The following RNLS variants were observed in gnomAD, a reference collection of about 807,000 sequenced individuals.
The protein encoded by RNLS is renalase, FAD dependent amine oxidase.
RNLS carries 39 observed loss-of-function variants against 39.8 expected under a neutral mutation model. The observed-to-expected ratio is 0.98, with a 90% CI of 0.76 to 1.28. The LOEUF (loss-of-function observed/expected upper bound fraction) is 1.28. Among genes scored for constraint, RNLS ranks in the 50% most tolerant of loss-of-function variants. The pLI is 0.00. For synonymous variants in RNLS, 147 were observed against 150.7 expected (o/e 0.98, Z 0.18); for missense variants, 410 against 413.3 (o/e 0.99, Z 0.07).
intron 2 of RNLS, 29 bp downstream of exon 2, chr10:88,582,173 A>T (rs1008765312): frequency 2.6e-6 from 4 of 1,549,834 alleles, no homozygotes; most frequent in Non-Finnish European, 3.6e-6. Flanking sequence ...AACTGCTAAG[A>T]TTGATTCCAC....
At chr10:88,547,832 G>A (rs931410454) in intron 4 of RNLS, among the ~76,000 whole-genome samples, 2 of 151,988 alleles carry the variant, frequency 1.3e-5, no homozygotes, top group African/African-American at 4.8e-5. Context: ...TGATTGGCTT[G>A]AATGAATCTT....
chr10:88,498,323 C>T (rs1268582501), intron 4 of RNLS, among the ~76,000 whole-genome samples: 1 of 151,584 alleles, frequency 6.6e-6, no homozygotes, highest in East Asian at 1.9e-4. Flanking sequence ...CAGACAAACT[C>T]AAATGAAGGG....
chr10:88,194,857 A>G, the RNLS span, among the ~76,000 whole-genome samples: 3 of 152,236 alleles, frequency 2.0e-5, no homozygotes. Flanking sequence ...GCAGAATACT[A>G]AATAGTACAA....
At chr10:88,263,093 G>A in the RNLS span, among the ~76,000 whole-genome samples, 1 of 152,072 alleles carries the variant, frequency 6.6e-6, no homozygotes, top group Non-Finnish European at 1.5e-5. Context: ...ATGTGGTCTA[G>A]CACACATTGT....
the RNLS span, among the ~76,000 whole-genome samples, chr10:88,216,351 C>G: frequency 6.6e-6 from 1 of 152,156 alleles, no homozygotes; most frequent in Non-Finnish European, 1.5e-5. Context: ...ACAGCTGGAT[C>G]TAGGGGCTCA....
chr10:88,329,848 G>T (rs1171332960), intron 5 of RNLS, among the ~76,000 whole-genome samples: 1 of 151,066 alleles, frequency 6.6e-6, no homozygotes, highest in Non-Finnish European at 1.5e-5. Context: ...GTTCTATTTG[G>T]CTCTTTTTCA....
chr10:88,292,878 C>A (rs769707867), intron 6 of RNLS, among the ~76,000 whole-genome samples: 1 of 151,078 alleles, frequency 6.6e-6, no homozygotes, highest in Non-Finnish European at 1.5e-5. Context: ...CCTGTCTCTA[C>A]TTAGAAAAAA....
chr10:88,423,240 G>A (rs1197183746), intron 4 of RNLS, among the ~76,000 whole-genome samples: 1 of 152,130 alleles, frequency 6.6e-6, no homozygotes, highest in African/African-American at 2.4e-5. Flanking sequence ...TGTAAAGAAT[G>A]GCATGATTAG....
intron 4 of RNLS, among the ~76,000 whole-genome samples, chr10:88,473,591 A>C (rs1179027910): frequency 6.6e-6 from 1 of 152,236 alleles, no homozygotes; most frequent in Non-Finnish European, 1.5e-5. Flanking sequence ...GTCTTTGCCT[A>C]GTACAACCCA....
At chr10:88,269,262 G>A (rs1842583456), downstream of RNLS, among the ~76,000 whole-genome samples, 1 of 152,118 alleles carries the variant, frequency 6.6e-6, no homozygotes, top group Non-Finnish European at 1.5e-5. Flanking sequence ...GCATTCACAG[G>A]GAGTGGATAT....
chr10:88,421,935 A>G (rs1854435418), intron 4 of RNLS, among the ~76,000 whole-genome samples: 1 of 152,140 alleles, frequency 6.6e-6, no homozygotes, highest in Non-Finnish European at 1.5e-5. Context: ...TTTACTGCTC[A>G]TTATACAAGA....
At chr10:88,218,224 A>G in the RNLS span, among the ~76,000 whole-genome samples, 1 of 152,244 alleles carries the variant, frequency 6.6e-6, no homozygotes, top group African/African-American at 2.4e-5. Flanking sequence ...GCTAAAGCAG[A>G]TGCTGGCCCA....
downstream of RNLS, among the ~76,000 whole-genome samples, chr10:88,281,951 G>A (rs1253270601): frequency 6.6e-6 from 1 of 152,110 alleles, no homozygotes; most frequent in East Asian, 1.9e-4. Context: ...AGCAAAACAA[G>A]GGGAACAAAG....
intron 4 of RNLS, among the ~76,000 whole-genome samples, chr10:88,493,371 C>G (rs1194059512): frequency 6.6e-6 from 1 of 151,876 alleles, no homozygotes; most frequent in Non-Finnish European, 1.5e-5. Flanking sequence ...TCATACAGAT[C>G]ATCTTCTGAT....
At chr10:88,310,792 T>C (rs1297424163) in intron 6 of RNLS, among the ~76,000 whole-genome samples, 2 of 49,084 alleles carry the variant, frequency 4.1e-5, no homozygotes, top group Non-Finnish European at 7.8e-5. Context: ...ATTTAGAGCC[T>C]ACCTCTGCCA....
chr10:88,481,934 C>A (rs1445770962), intron 4 of RNLS, among the ~76,000 whole-genome samples: 1 of 152,084 alleles, frequency 6.6e-6, no homozygotes, highest in Non-Finnish European at 1.5e-5. Context: ...TTCACCTCCA[C>A]TTTTTCAAGG....
At chr10:88,213,325 A>G in the RNLS span, among the ~76,000 whole-genome samples, 2 of 151,842 alleles carry the variant, frequency 1.3e-5, no homozygotes, top group African/African-American at 4.8e-5. Flanking sequence ...ATTTCATAAA[A>G]CTACAATTCC....
chr10:88,498,958 A>G (rs1334492970), intron 4 of RNLS, among the ~76,000 whole-genome samples: 1 of 152,184 alleles, frequency 6.6e-6, no homozygotes, highest in Non-Finnish European at 1.5e-5. Flanking sequence ...ATCTTGGTTC[A>G]GGGAATAAAA....
At chr10:88,226,266 T>C in the RNLS span, among the ~76,000 whole-genome samples, 4 of 152,226 alleles carry the variant, frequency 2.6e-5, no homozygotes, top group Non-Finnish European at 4.4e-5. Flanking sequence ...CCCTTGGTTA[T>C]CTAGCTTAAA....
Sources: gnomAD v4.1 joint callset for allele counts (sites outside exome capture counted in the v4.1 genomes callset) on GRCh38, gnomAD v4.1.1 for gene constraint, MANE v1.5 for transcripts, NCBI Gene and HGNC (gene_info 2026-07-23, HGNC 2026-07-21) for gene names.